The following TTF2 variants were observed in gnomAD, a reference collection of about 807,000 sequenced individuals.
The protein encoded by TTF2 is transcription termination factor 2, also known as RNA polymerase II termination factor.
TTF2 carries 108 observed loss-of-function variants against 142.4 expected under a neutral mutation model. The observed-to-expected ratio is 0.76, with a 90% CI of 0.65 to 0.89. The LOEUF is 0.89. Among genes scored for constraint, TTF2 ranks in the 40% least tolerant of loss-of-function variants. The pLI is 0.00. For missense variants in TTF2, 1,327 were observed against 1,379.8 expected (o/e 0.96, Z 0.61); for synonymous variants, 483 against 506.2 (o/e 0.95, Z 0.61).
chr1:117,088,738 G>T, intron 12 of TTF2, 63 bp from the exon 13 acceptor site: 1 of 1,540,930 alleles, frequency 6.5e-7, no homozygotes, highest in Non-Finnish European at 8.8e-7. Flanking sequence ...ATTTCCCCTT[G>T]TGTCCTTAAG....
Position 117,086,793 on chromosome 1 carries a change from C to T in TTF2, c.2160+271C>T, listed in dbSNP as rs146268068. 4.2e-3 allele frequency among the ~76,000 whole-genome samples: 637 copies of T among 152,100 alleles called. 7 individuals are homozygous for T. Among genetic ancestry groups the T allele is most frequent in the African/African-American group, 0.015 (609 of 41,480 alleles). On this transcript the variant is annotated intron_variant, in intron 12 of 22. Transcript: ENST00000369466. The surrounding 1 kb of genome is among the most constrained non-coding windows in gnomAD (Gnocchi z 4.2). ...TTGTATTTGTGGGGGTAATAATCAC[C>T]TGAATATATAAAAGCCTTACTTGTT...
rs192032784 is a variant in TTF2, at chr1:117,086,546, A to T, written c.2160+24A>T. On this transcript the variant is annotated intron_variant, in intron 12 of 22. Coordinates refer to ENST00000369466, the MANE Select transcript of TTF2 (RefSeq NM_003594.4). The surrounding 1 kb of genome is among the most constrained non-coding windows in gnomAD (Gnocchi z 4.2). Reference sequence around the variant, plus strand: ...AGGTGAGGCTGGGGGGCAGCCAGGGAAGTGGAGTTGGAGCCACAGATGGTT... The same window carrying T: ...AGGTGAGGCTGGGGGGCAGCCAGGGTAGTGGAGTTGGAGCCACAGATGGTT... The T allele has an allele frequency of 1.5e-4, 242 of 1,577,026 alleles. 3 individuals carry two copies. In the African/African-American group the frequency reaches 2.5e-3, roughly 16 times the overall value.
intron 3 of TTF2, among the ~76,000 whole-genome samples, chr1:117,066,739 G>C (rs1401339228): frequency 1.6e-5 from 2 of 127,412 alleles, no homozygotes; most frequent in African/African-American, 5.9e-5. Flanking sequence ...GTCTTGCTCT[G>C]TCAACCAGGC....
chr1:117,101,572 A>AGGATCTG lies in TTF2; in HGVS notation c.*52_*58dup. The stretch of plus-strand genomic sequence containing the variant: ...AATAGCACCATTGCTGGTTTGTATT[A>AGGATCTG]GGATCTGGGAATAACAACCTAACCA... On this transcript the variant is annotated 3_prime_UTR_variant, in exon 23 of 23. Coordinates refer to ENST00000369466, the MANE Select transcript of TTF2 (RefSeq NM_003594.4). The surrounding 1 kb of genome is among the most constrained non-coding windows in gnomAD (Gnocchi z 5.9). The AGGATCTG allele has an allele frequency of 6.7e-7, 1 of 1,490,956 alleles. No individual in the cohort carries two copies. Among genetic ancestry groups the AGGATCTG allele is most frequent in the Non-Finnish European group, 8.9e-7 (1 of 1,124,504 alleles). The allele number at this position is 1,490,956 out of a possible 1,614,324, so 92.4% of individuals were successfully genotyped here. A position where few individuals can be genotyped will look rare whatever the true frequency, so the allele number is the denominator to read the frequency against.
rs765910468 is a variant in TTF2, at chr1:117,076,470, T to C, written c.1391-171T>C. The C allele has an allele frequency of 3.7e-5, 35 of 937,892 alleles. No individual in the cohort carries two copies. Among genetic ancestry groups the C allele is most frequent in the Non-Finnish European group, 5.4e-5 (34 of 633,170 alleles). 58.1% of individuals were successfully genotyped at this position (937,892 alleles called of 1,614,324 possible). Reference sequence around the variant, plus strand: ...ATAAAAAACTTTCTCCTGTTTCCTGTGGACTCTACTTTCTTCCCCATTGTT... The same window carrying C: ...ATAAAAAACTTTCTCCTGTTTCCTGCGGACTCTACTTTCTTCCCCATTGTT... On this transcript the variant is annotated intron_variant, in intron 6 of 22. Coordinates refer to ENST00000369466, the MANE Select transcript of TTF2 (RefSeq NM_003594.4). The surrounding 1 kb of genome is among the most constrained non-coding windows in gnomAD (Gnocchi z 4.6).
chr1:117,092,068 GT>G lies in TTF2; in HGVS notation c.2805+123del. On this transcript the variant is annotated intron_variant, in intron 17 of 22. Coordinates refer to ENST00000369466, the MANE Select transcript of TTF2 (RefSeq NM_003594.4). This position sits in a 1 kb window ranked among gnomAD's most constrained non-coding sequence, Gnocchi z 4.4. ...CTTGATCAAAGGAAATGCTGTTTCG[GT>G]TTTTCTATTTTTGTTTTTTGGTGGG... 1.7e-6 allele frequency: 2 copies of G among 1,191,122 alleles called. No homozygotes were observed. The highest frequency in any genetic ancestry group is 2.3e-6 in the Non-Finnish European group (2 of 886,914). The allele number at this position is 1,191,122 out of a possible 1,614,324, so 73.8% of individuals were successfully genotyped here. A position where few individuals can be genotyped will look rare whatever the true frequency, so the allele number is the denominator to read the frequency against.
chr1:117,078,273 T>C (rs776515577), intron 8 of TTF2, among the ~76,000 whole-genome samples: 45 of 152,220 alleles, frequency 3.0e-4, no homozygotes, highest in Non-Finnish European at 4.4e-4. Flanking sequence ...AGGATCCATT[T>C]GTTGAGTTGG....
At chr1:117,096,772 T>C (rs2101211150) in intron 20 of TTF2, among the ~76,000 whole-genome samples, 1 of 152,356 alleles carries the variant, frequency 6.6e-6, no homozygotes, top group South Asian at 2.1e-4. Flanking sequence ...TGGGATACTT[T>C]TAAAGAGCAC....
intron 3 of TTF2, among the ~76,000 whole-genome samples, chr1:117,068,225 G>A (rs970174205): frequency 2.6e-5 from 4 of 152,186 alleles, no homozygotes; most frequent in East Asian, 1.9e-4. Context: ...TTGCTTAGAC[G>A]TGGGTATAAC....
At position 117,087,587 on chromosome 1, in the gene TTF2, C is replaced by A. The variant is rs979230081; in HGVS notation, c.2160+1065C>A. On this transcript the variant is annotated intron_variant, in intron 12 of 22. Transcript: ENST00000369466. This position sits in a 1 kb window ranked among gnomAD's most constrained non-coding sequence, Gnocchi z 4.8. Reference sequence around the variant, plus strand: ...GGATTATAGGCATGAGCCACCATGCCTGGCCATATTAGGCTCTTTATGATC... The same window carrying A: ...GGATTATAGGCATGAGCCACCATGCATGGCCATATTAGGCTCTTTATGATC... 7.9e-5 allele frequency among the ~76,000 whole-genome samples: 12 copies of A among 152,176 alleles called. No individual in the cohort carries two copies. The highest frequency in any genetic ancestry group is 2.9e-4 in the African/African-American group (12 of 41,424).
In TTF2 at chr1:117,096,299, G is replaced by C. The variant is rs1395411185; in HGVS notation, c.3186G>C (p.Gln1062His). The C allele has an allele frequency of 2.5e-6, 4 of 1,613,908 alleles. No individual in the cohort carries two copies. Among genetic ancestry groups the C allele is most frequent in the Non-Finnish European group, 3.4e-6 (4 of 1,179,978 alleles). The change falls in exon 20 of 23, where the codon CAG (glutamine) becomes CAC (histidine). Residue 1062 changes from glutamine to histidine, a missense_variant and splice_region_variant. Coordinates refer to ENST00000369466, the MANE Select transcript of TTF2 (RefSeq NM_003594.4). ...VEAFNHSRGP[Q>H]VMLISLLAGG... ...CATTTAACCACTCCAGAGGCCCTCA[G>C]GTACAAGCTGGTCACATCAGAGCCG...
intron 11 of TTF2, among the ~76,000 whole-genome samples, chr1:117,084,656 CTA>C: frequency 6.6e-6 from 1 of 152,246 alleles, no homozygotes; most frequent in South Asian, 2.1e-4. Context: ...TTAGAGTTAA[CTA>C]TAAATTCTTG....
Position 117,086,592 on chromosome 1 carries a change from C to T in TTF2, c.2160+70C>T. ...TGGTTTAATGGGAGTCTTTCTCAGC[C>T]TCCACGATAGCAAGAGGACCTCCCT... On this transcript the variant is annotated intron_variant, in intron 12 of 22. Coordinates refer to ENST00000369466, the MANE Select transcript of TTF2 (RefSeq NM_003594.4). The surrounding 1 kb of genome is among the most constrained non-coding windows in gnomAD (Gnocchi z 4.2). The T allele has an allele frequency of 1.8e-6, 2 of 1,133,892 alleles. No homozygotes were observed. Among genetic ancestry groups the T allele is most frequent in the Non-Finnish European group, 2.6e-6 (2 of 758,622 alleles). 70.2% of individuals were successfully genotyped at this position (1,133,892 alleles called of 1,614,324 possible).
intron 2 of TTF2, among the ~76,000 whole-genome samples, chr1:117,061,940 A>G (rs955706544): frequency 6.6e-6 from 1 of 152,200 alleles, no homozygotes; most frequent in Non-Finnish European, 1.5e-5. Flanking sequence ...GAAGGGAGTG[A>G]TTAAAAACTT....
intron 10 of TTF2, 70 bp downstream of exon 10, chr1:117,082,017 C>T: frequency 6.2e-7 from 1 of 1,608,730 alleles, no homozygotes; most frequent in Non-Finnish European, 8.5e-7. Context: ...GGAACGTCTT[C>T]AGCTAAAAAA....
intron 12 of TTF2, 54 bp from the exon 13 acceptor site, chr1:117,088,747 A>T: frequency 6.3e-7 from 1 of 1,581,422 alleles, no homozygotes; most frequent in Admixed American, 1.8e-5. Context: ...TGTGTCCTTA[A>T]GGACATGTAC....
At chr1:117,078,642 G>A (rs1647215014) in intron 8 of TTF2, among the ~76,000 whole-genome samples, 1 of 152,250 alleles carries the variant, frequency 6.6e-6, no homozygotes, top group Non-Finnish European at 1.5e-5. Context: ...AGCAGGTGAT[G>A]TTACTGAGTA....
chr1:117,086,279 GTGT>G lies in TTF2; in HGVS notation c.2055-136_2055-134del, dbSNP rs1242109047. The G allele has an allele frequency of 4.9e-6, 3 of 618,328 alleles. No homozygotes were observed. Among genetic ancestry groups the G allele is most frequent in the Admixed American group, 2.5e-5 (1 of 39,726 alleles). 38.3% of individuals were successfully genotyped at this position (618,328 alleles called of 1,614,324 possible). A position where few individuals can be genotyped will look rare whatever the true frequency, so the allele number is the denominator to read the frequency against. On this transcript the variant is annotated intron_variant, in intron 11 of 22. Coordinates refer to ENST00000369466, the MANE Select transcript of TTF2 (RefSeq NM_003594.4). This position sits in a 1 kb window ranked among gnomAD's most constrained non-coding sequence, Gnocchi z 4.2. Reference sequence around the variant, plus strand: ...TGTGTGTGTGTGTGTGTGCGTGTGTGTGTTAAGGACACAAGTTAATGAGTTCTG... The same window carrying G: ...TGTGTGTGTGTGTGTGTGCGTGTGTGTAAGGACACAAGTTAATGAGTTCTG...
At chr1:117,077,835 C>G (rs1468296395) in intron 7 of TTF2, 81 bp from the exon 8 acceptor site, 11 of 1,555,444 alleles carry the variant, frequency 7.1e-6, no homozygotes, top group African/African-American at 1.4e-5. Context: ...AGATACAGGG[C>G]CATTTGTAGC....
Sources: gnomAD v4.1 joint callset for allele counts (sites outside exome capture counted in the v4.1 genomes callset) on GRCh38, gnomAD v4.1.1 for gene constraint, Gnocchi (gnomAD v3.1) non-coding constraint, MANE v1.5 for transcripts, NCBI Gene and HGNC (gene_info 2026-07-23, HGNC 2026-07-21) for gene names.